The following MTMR2 variants were observed in gnomAD, a reference collection of about 807,000 sequenced individuals.
MTMR2 encodes the protein phosphatidylinositol-3,5-bisphosphate 3-phosphatase MTMR2.
MTMR2 carries 55 observed loss-of-function variants against 86.9 expected under a neutral mutation model. The observed-to-expected ratio is 0.63, with a 90% CI of 0.51 to 0.79. The LOEUF is 0.79. Ranked by LOEUF, MTMR2 falls within the 30% of genes least tolerant of loss-of-function variation. The pLI, the probability that MTMR2 is intolerant of heterozygous loss-of-function variation, is 0.00. For missense variants in MTMR2, 659 were observed against 772.3 expected (o/e 0.85, Z 1.74); for synonymous variants, 241 against 266.8 (o/e 0.90, Z 0.94).
intron 1 of MTMR2, chr11:95,914,383 G>A (rs1866623332): frequency 1.0e-6 from 1 of 983,152 alleles, no homozygotes; most frequent in Non-Finnish European, 1.2e-6. Context: ...CTAAATCATT[G>A]TGCAAAGCCT....
intron 2 of MTMR2, among the ~76,000 whole-genome samples, chr11:95,875,386 A>T (rs1405442247): frequency 6.6e-6 from 1 of 152,168 alleles, no homozygotes; most frequent in African/African-American, 2.4e-5. Flanking sequence ...AGTTGATCGA[A>T]TCAGCTACTG....
chr11:95,888,150 A>G lies in MTMR2; in HGVS notation c.186+6T>C, dbSNP rs1865578844. On this transcript the variant is annotated splice_donor_region_variant and intron_variant, in intron 2 of 14. Transcript: ENST00000346299. ...CTTCATCAGAACTTTAAAATAGTAT[A>G]CATACCCTCAAATCAGGAGAAAAGT... The G allele has an allele frequency of 1.9e-6, 3 of 1,573,008 alleles. No individual in the cohort carries two copies. Among genetic ancestry groups the G allele is most frequent in the Non-Finnish European group, 2.6e-6 (3 of 1,146,198 alleles).
chr11:95,855,739 CAA>C (rs1007909265), intron 7 of MTMR2, among the ~76,000 whole-genome samples: 2 of 152,084 alleles, frequency 1.3e-5, no homozygotes, highest in Non-Finnish European at 2.9e-5. Context: ...TTACAGTTTA[CAA>C]AGTGCCTTTC....
intron 2 of MTMR2, among the ~76,000 whole-genome samples, chr11:95,886,327 G>A (rs1291528485): frequency 6.6e-6 from 1 of 152,118 alleles, no homozygotes; most frequent in East Asian, 1.9e-4. Flanking sequence ...ATCTAAAACT[G>A]TTCTAAAATT....
chr11:95,859,264 GT>G (rs1864317616), intron 5 of MTMR2, among the ~76,000 whole-genome samples: 1 of 152,138 alleles, frequency 6.6e-6, no homozygotes, highest in African/African-American at 2.4e-5. Flanking sequence ...GAATAGTTTA[GT>G]TTATATTATC....
chr11:95,873,942 G>T (rs1191639592), intron 2 of MTMR2, among the ~76,000 whole-genome samples: 1 of 152,202 alleles, frequency 6.6e-6, no homozygotes. Context: ...TAGTTTGATT[G>T]CACTGTGGTC....
chr11:95,856,505 C>T (rs1379398216), intron 7 of MTMR2, among the ~76,000 whole-genome samples: 1 of 151,442 alleles, frequency 6.6e-6, no homozygotes, highest in East Asian at 1.9e-4. Context: ...CTCCATTAGA[C>T]CTTTTAGTTG....
rs185849879 is a variant in MTMR2 at position 95,849,466 on chromosome 11, A to G, written c.993+208T>C. Among the ~76,000 whole-genome samples the G allele has an allele frequency of 1.8e-3, 274 of 152,264 alleles. 3 individuals are homozygous for G. The highest frequency in any genetic ancestry group is 6.5e-3 in the African/African-American group (268 of 41,524). ...TGCTCCCAAAACAACACTGTTAACT[A>G]TTATTATTCTCATTTTTACCAATAA... On this transcript the variant is annotated intron_variant, in intron 9 of 14. Coordinates refer to ENST00000346299, the MANE Select transcript of MTMR2 (RefSeq NM_016156.6).
chr11:95,849,717 A>C lies in MTMR2; in HGVS notation c.950T>G (p.Phe317Cys), dbSNP rs750166451. ...AACACTTGGCCGGGCATCAAATATAAAGATTTTGTGAGACTGGGCATTGGA... is the reference window on the plus strand; with the variant it reads ...AACACTTGGCCGGGCATCAAATATACAGATTTTGTGAGACTGGGCATTGGA... ...MDSNAQSHKI[F>C]IFDARPSVNA... Residue 317 changes from phenylalanine to cysteine, a missense_variant, in exon 9 of 15, where the codon TTT becomes TGT. Transcript: ENST00000346299. 48 of 1,614,078 alleles carry C rather than the reference A, an allele frequency of 3.0e-5. No homozygotes were observed. Among genetic ancestry groups the C allele is most frequent in the Non-Finnish European group, 4.0e-5 (47 of 1,179,968 alleles).
chr11:95,902,712 T>TA (rs1413326314), intron 1 of MTMR2, among the ~76,000 whole-genome samples: 8 of 152,246 alleles, frequency 5.3e-5, no homozygotes, highest in Non-Finnish European at 1.2e-4. Context: ...GCCTAGTTTT[T>TA]ACCTGAGGAC....
In MTMR2 at chr11:95,833,784, T is replaced by C. The variant is rs1458072234; in HGVS notation, c.*1506A>G. ...ATTACTGATTTGCTAGCCACTTAAA[T>C]GCCCTGTTAAAAAGCTTATATTTCA... On this transcript the variant is annotated 3_prime_UTR_variant, in exon 15 of 15. Coordinates refer to ENST00000346299, the MANE Select transcript of MTMR2 (RefSeq NM_016156.6). 1.3e-5 allele frequency: 2 copies of C among 152,102 alleles called. No homozygotes were observed. The highest frequency in any genetic ancestry group is 2.9e-5 in the Non-Finnish European group (2 of 67,988). The allele number at this position is 152,102 out of a possible 1,614,324, so 9.4% of individuals were successfully genotyped here. A position where few individuals can be genotyped will look rare whatever the true frequency, so the allele number is the denominator to read the frequency against.
chr11:95,870,527 C>G (rs1284095616), intron 2 of MTMR2, among the ~76,000 whole-genome samples: 4 of 151,716 alleles, frequency 2.6e-5, no homozygotes, highest in African/African-American at 9.7e-5. Context: ...CAAATCTGAC[C>G]CTAGGCTTAT....
intron 12 of MTMR2, among the ~76,000 whole-genome samples, chr11:95,838,940 T>C (rs142907225): frequency 6.6e-6 from 1 of 152,126 alleles, no homozygotes; most frequent in African/African-American, 2.4e-5. Context: ...CTATCTAATA[T>C]TTCAGAATTA....
intron 2 of MTMR2, among the ~76,000 whole-genome samples, chr11:95,877,363 T>TTTTTTTTTTTTTA (rs869076328): frequency 4.9e-5 from 7 of 142,690 alleles, no homozygotes; most frequent in African/African-American, 1.9e-4. Flanking sequence ...TTTTTTTTTT[T>TTTTTTTTTTTTTA]ATATAACACA....
At chr11:95,893,969 C>G (rs117196870) in intron 1 of MTMR2, among the ~76,000 whole-genome samples, 2,511 of 152,232 alleles carry the variant, frequency 0.016, 33 homozygotes, top group South Asian at 0.063. Flanking sequence ...TCATTGATTC[C>G]TCACTGCCTA....
At chr11:95,836,558 A>C (rs987149532) in intron 13 of MTMR2, among the ~76,000 whole-genome samples, 2 of 151,988 alleles carry the variant, frequency 1.3e-5, no homozygotes, top group Admixed American at 6.6e-5. Flanking sequence ...ATATCCAGCA[A>C]ACAGAAGACA....
chr11:95,858,245 A>G (rs971887567), intron 6 of MTMR2, among the ~76,000 whole-genome samples: 16 of 152,164 alleles, frequency 1.1e-4, no homozygotes, highest in Admixed American at 7.2e-4. Context: ...ACAAATCCTA[A>G]TGAAGACAAC....
intron 1 of MTMR2, among the ~76,000 whole-genome samples, chr11:95,916,731 T>C (rs1042970395): frequency 2.6e-5 from 4 of 152,284 alleles, no homozygotes; most frequent in African/African-American, 9.6e-5. Context: ...ATTTTTAATA[T>C]ATTTAATACA....
At chr11:95,852,690 T>C (rs1001782076) in intron 7 of MTMR2, among the ~76,000 whole-genome samples, 5 of 152,230 alleles carry the variant, frequency 3.3e-5, no homozygotes, top group Non-Finnish European at 7.3e-5. Context: ...ATACAGATTT[T>C]TACCCATGAC....
Sources: allele counts gnomAD v4.1 joint callset (sites outside exome capture counted in the v4.1 genomes callset), GRCh38; gene constraint gnomAD v4.1.1; transcripts MANE v1.5; gene names NCBI Gene and HGNC (gene_info 2026-07-23, HGNC 2026-07-21).